Variants in ASIC2 observed in about 807,000 individuals in gnomAD.
ASIC2 encodes the protein acid-sensing ion channel 2.
In ASIC2, 25 loss-of-function variants were observed where a neutral mutation model predicts 57.3. That is an observed-to-expected ratio of 0.44 (90% confidence interval 0.32 to 0.61). The LOEUF (loss-of-function observed/expected upper bound fraction) is 0.61, where lower values mean the gene tolerates loss of function less well. ASIC2 is among the 20% of genes least tolerant of loss of function. The pLI is 0.06. For missense variants in ASIC2, 641 were observed against 738.1 expected (o/e 0.87, Z 1.52); for synonymous variants, 319 against 307.5 (o/e 1.04, Z -0.39).
At chr17:33,649,378 T>C (rs1906849089) in intron 1 of ASIC2, among the ~76,000 whole-genome samples, 2 of 152,198 alleles carry the variant, frequency 1.3e-5, no homozygotes, top group African/African-American at 2.4e-5. Flanking sequence ...CTACACATGC[T>C]GATGAGAGAA....
intron 1 of ASIC2, among the ~76,000 whole-genome samples, chr17:33,578,793 TTA>T: frequency 6.6e-6 from 1 of 151,408 alleles, no homozygotes; most frequent in Admixed American, 6.6e-5. Context: ...AATCCTAAGA[TTA>T]GTCTAGTCAC....
intron 1 of ASIC2, among the ~76,000 whole-genome samples, chr17:33,461,668 A>T (rs1272349557): frequency 6.6e-6 from 1 of 152,176 alleles, no homozygotes; most frequent in Non-Finnish European, 1.5e-5. Flanking sequence ...CTACCACTCT[A>T]GAATCTCTTG....
intron 1 of ASIC2, among the ~76,000 whole-genome samples, chr17:33,334,460 G>A (rs1907436078): frequency 6.6e-6 from 1 of 152,140 alleles, no homozygotes; most frequent in African/African-American, 2.4e-5. Context: ...GAGCATCCTA[G>A]AAGATAGAAA....
chr17:33,386,656 T>C (rs1909689749), intron 1 of ASIC2, among the ~76,000 whole-genome samples: 1 of 152,188 alleles, frequency 6.6e-6, no homozygotes. Context: ...GAGTGATCTG[T>C]TGGGTCACAT....
chr17:33,712,858 G>C (rs1909093781), intron 1 of ASIC2, among the ~76,000 whole-genome samples: 1 of 151,578 alleles, frequency 6.6e-6, no homozygotes, highest in African/African-American at 2.4e-5. Context: ...TTTTAGCCGG[G>C]ATGGTCTCGA....
chr17:33,384,390 A>G (rs778836516), intron 1 of ASIC2, among the ~76,000 whole-genome samples: 1 of 152,144 alleles, frequency 6.6e-6, no homozygotes, highest in Non-Finnish European at 1.5e-5. Context: ...TCACTAGGAG[A>G]ATGAGCTGCC....
intron 1 of ASIC2, chr17:34,005,218 G>C (rs1022869553): frequency 1.3e-5 from 2 of 151,924 alleles, no homozygotes; most frequent in African/African-American, 4.8e-5. Flanking sequence ...CTCCTGTAAG[G>C]CTCATAAAGG....
At chr17:33,019,317 T>C (rs761370384) in intron 7 of ASIC2, among the ~76,000 whole-genome samples, 3 of 151,686 alleles carry the variant, frequency 2.0e-5, no homozygotes, top group Non-Finnish European at 4.4e-5. Context: ...TGTGGGTCTG[T>C]GGAGGTGAGC....
intron 1 of ASIC2, among the ~76,000 whole-genome samples, chr17:33,178,163 TA>T (rs371586477): frequency 1.2e-4 from 19 of 152,312 alleles, no homozygotes; most frequent in East Asian, 9.6e-4. Context: ...GTTCTCACCA[TA>T]AAAAAGTTTG....
intron 1 of ASIC2, among the ~76,000 whole-genome samples, chr17:33,396,727 G>T (rs1034629080): frequency 6.6e-6 from 1 of 152,194 alleles, no homozygotes; most frequent in Non-Finnish European, 1.5e-5. Flanking sequence ...GACATAGTTA[G>T]ATCACCTGTC....
chr17:33,736,555 T>C (rs185406440), intron 1 of ASIC2, among the ~76,000 whole-genome samples: 77 of 152,322 alleles, frequency 5.1e-4, no homozygotes, highest in Non-Finnish European at 9.4e-4. Context: ...GTTGGCTCAC[T>C]AGACCAGCTA....
chr17:34,055,641 C>T (rs1908738379), intron 1 of ASIC2, among the ~76,000 whole-genome samples: 2 of 152,078 alleles, frequency 1.3e-5, no homozygotes, highest in Admixed American at 6.6e-5. Flanking sequence ...CATGAAATCA[C>T]ACGGTATTTT....
At chr17:33,271,444 A>G (rs188247982) in intron 1 of ASIC2, among the ~76,000 whole-genome samples, 3 of 152,234 alleles carry the variant, frequency 2.0e-5, no homozygotes, top group Admixed American at 2.0e-4. Flanking sequence ...TTCAGTCTCA[A>G]CAGACCCCAA....
intron 1 of ASIC2, among the ~76,000 whole-genome samples, chr17:33,530,655 G>C (rs1915023646): frequency 6.6e-6 from 1 of 152,226 alleles, no homozygotes; most frequent in African/African-American, 2.4e-5. Flanking sequence ...TTGCTGCCAG[G>C]CTCAAGAGAG....
chr17:33,519,031 A>G (rs1343976242), intron 1 of ASIC2, among the ~76,000 whole-genome samples: 2 of 96,534 alleles, frequency 2.1e-5, no homozygotes, highest in Admixed American at 1.1e-4. Context: ...CATGTTGGCC[A>G]GGATGGTCTC....
intron 1 of ASIC2, among the ~76,000 whole-genome samples, chr17:33,511,439 TC>T (rs146061631): frequency 2.7e-3 from 406 of 152,312 alleles, no homozygotes; most frequent in African/African-American, 9.4e-3. Context: ...CTATTCTTGC[TC>T]CTTTTCCCTA....
At chr17:33,539,690 A>T (rs1017683002) in intron 1 of ASIC2, among the ~76,000 whole-genome samples, 1 of 152,172 alleles carries the variant, frequency 6.6e-6, no homozygotes, top group Non-Finnish European at 1.5e-5. Context: ...TTTGATTCTC[A>T]TAGGAAGCTC....
chr17:33,179,716 C>T (rs976393581), intron 1 of ASIC2, among the ~76,000 whole-genome samples: 4 of 152,112 alleles, frequency 2.6e-5, no homozygotes, highest in Non-Finnish European at 4.4e-5. Context: ...GAGACTTGTA[C>T]CAGGTTCTGC....
At chr17:33,979,285 A>AG (rs1361002573) in intron 1 of ASIC2, among the ~76,000 whole-genome samples, 8 of 152,108 alleles carry the variant, frequency 5.3e-5, no homozygotes, top group Non-Finnish European at 1.2e-4. Flanking sequence ...TTCCTGCATG[A>AG]GACCTGGTAT....
Sources: allele counts gnomAD v4.1 joint callset (sites outside exome capture counted in the v4.1 genomes callset), GRCh38; gene constraint gnomAD v4.1.1; transcripts MANE v1.5; gene names NCBI Gene and HGNC (gene_info 2026-07-23, HGNC 2026-07-21).